The following AGPAT3 variants were observed in gnomAD, a reference collection of about 807,000 sequenced individuals.
AGPAT3 encodes 1-acylglycerol-3-phosphate O-acyltransferase 3.
A neutral mutation model predicts 47.3 loss-of-function variants in AGPAT3; 5 were observed. The observed-to-expected ratio is 0.11, with a 90% CI of 0.06 to 0.22. The LOEUF is 0.22. Ranked by LOEUF, AGPAT3 falls within the 10% of genes least tolerant of loss-of-function variation. The pLI, the probability that AGPAT3 is intolerant of heterozygous loss-of-function variation, is 1.00. For synonymous variants in AGPAT3, 212 were observed against 208.3 expected (o/e 1.02, Z -0.15); for missense variants, 315 against 493.0 (o/e 0.64, Z 3.42).
intron 2 of AGPAT3, among the ~76,000 whole-genome samples, chr21:43,923,452 G>A (rs936280477): frequency 1.3e-5 from 2 of 152,214 alleles, no homozygotes; most frequent in Admixed American, 1.3e-4. Flanking sequence ...TTCCCCACAA[G>A]CAGTGCTCCA....
At chr21:43,900,102 G>C (rs1024959696) in intron 1 of AGPAT3, among the ~76,000 whole-genome samples, 1 of 152,204 alleles carries the variant, frequency 6.6e-6, no homozygotes, top group African/African-American at 2.4e-5. Flanking sequence ...AAAGAAAAAG[G>C]CAAATGCTTT....
In AGPAT3 at chr21:43,986,488, A is replaced by G. The variant is rs2030312528; in HGVS notation, c.*4096A>G. On this transcript the variant is annotated 3_prime_UTR_variant, in exon 10 of 10. Transcript: ENST00000291572. The stretch of plus-strand genomic sequence containing the variant: ...AGTCGAACTGTGAATGAGATACTGA[A>G]ATGCACTAAATTGTATTACATTAAA... The G allele has an allele frequency of 6.6e-6, 1 of 152,668 alleles. No individual in the cohort carries two copies. Among genetic ancestry groups the G allele is most frequent in the Non-Finnish European group, 1.5e-5 (1 of 68,038 alleles). 9.5% of individuals were successfully genotyped at this position (152,668 alleles called of 1,614,324 possible). A position where few individuals can be genotyped will look rare whatever the true frequency, so the allele number is the denominator to read the frequency against.
chr21:43,918,123 TGTG>T lies in AGPAT3; in HGVS notation c.-49+14106_-49+14108del, dbSNP rs1158160781. 4.2e-5 allele frequency among the ~76,000 whole-genome samples: 6 copies of T among 143,726 alleles called. 1 individual carries two copies. In the South Asian group the frequency reaches 1.2e-3, roughly 28 times the overall value. The allele number at this position is 143,726 out of a possible 152,430, so 94.3% of individuals were successfully genotyped here. A position where few individuals can be genotyped will look rare whatever the true frequency, so the allele number is the denominator to read the frequency against. ...GTTGTGGGTGTTGTGTTATGGGTGT[TGTG>T]GGGGTTGTGGGTGTTGGAGTTGTGG... On this transcript the variant is annotated intron_variant, in intron 2 of 9. Transcript: ENST00000291572.
chr21:43,969,270 G>A lies in AGPAT3; in HGVS notation c.501G>A (p.Glu167=). The A allele has an allele frequency of 1.2e-6, 2 of 1,614,224 alleles. No homozygotes were observed. The highest frequency in any genetic ancestry group is 8.5e-7 in the Non-Finnish European group (1 of 1,180,024). The change falls in exon 5 of 10, where the codon GAG becomes GAA. Residue 167 remains glutamate (E), a synonymous_variant. Transcript: ENST00000291572. ...EGLRRLSDYP[E]YMWFLLYCEG... ...TGAGGCGCCTGTCGGACTACCCCGA[G>A]TACATGTGGGTGAGTGCGCGGAGCA...
intron 2 of AGPAT3, among the ~76,000 whole-genome samples, chr21:43,958,888 TGTG>T (rs763052967): frequency 1.9e-3 from 254 of 130,528 alleles, no homozygotes; most frequent in Non-Finnish European, 3.2e-3. Flanking sequence ...GTGTGTATGG[TGTG>T]TGTGTGGGTG....
In AGPAT3 at chr21:43,908,622, C is replaced by T. The variant is rs890394292; in HGVS notation, c.-49+4603C>T. On this transcript the variant is annotated intron_variant, in intron 2 of 9. Coordinates refer to ENST00000291572, the MANE Select transcript of AGPAT3 (RefSeq NM_020132.5). This position sits in a 1 kb window ranked among gnomAD's most constrained non-coding sequence, Gnocchi z 4.9. ...AGAAGGATGAGAAAGGACCTATGGCCTCCAGCTCCGGGTTCAGGGCTGTGT... is the reference window on the plus strand; with the variant it reads ...AGAAGGATGAGAAAGGACCTATGGCTTCCAGCTCCGGGTTCAGGGCTGTGT... 6.6e-6 allele frequency among the ~76,000 whole-genome samples: 1 copy of T among 152,182 alleles called. No individual in the cohort carries two copies. Among genetic ancestry groups the T allele is most frequent in the African/African-American group, 2.4e-5 (1 of 41,432 alleles).
intron 1 of AGPAT3, among the ~76,000 whole-genome samples, chr21:43,890,551 C>G (rs980778294): frequency 6.7e-6 from 1 of 150,064 alleles, no homozygotes; most frequent in South Asian, 2.1e-4. Context: ...TAGCTGGGAC[C>G]ACAGGTGTGA....
intron 4 of AGPAT3, among the ~76,000 whole-genome samples, chr21:43,968,615 G>A (rs1219175820): frequency 1.3e-5 from 2 of 152,100 alleles, no homozygotes; most frequent in Admixed American, 6.5e-5. Context: ...CTTTGAGCTC[G>A]GCAGTGGTGC....
rs978212661 is a variant in AGPAT3, at chr21:43,878,003, G to T, written c.-112+12658G>T. On this transcript the variant is annotated intron_variant, in intron 1 of 9. Coordinates refer to ENST00000291572, the MANE Select transcript of AGPAT3 (RefSeq NM_020132.5). ...TCGCTTTCGACTGAGACTGCCCGTGGTCTTGCGTGGGGTCGCTCCAGCTCA... is the reference window on the plus strand; with the variant it reads ...TCGCTTTCGACTGAGACTGCCCGTGTTCTTGCGTGGGGTCGCTCCAGCTCA... 9.2e-5 allele frequency among the ~76,000 whole-genome samples: 14 copies of T among 151,990 alleles called. No individual in the cohort carries two copies. The South Asian group carries it at 2.5e-3, about 27-fold the overall frequency.
intron 2 of AGPAT3, among the ~76,000 whole-genome samples, chr21:43,916,981 A>T (rs1253760155): frequency 6.6e-6 from 1 of 151,952 alleles, no homozygotes; most frequent in Non-Finnish European, 1.5e-5. Flanking sequence ...TTTTTGGGTA[A>T]GGTCTGTTGC....
At chr21:43,865,521 C>A (rs1400492855) in intron 1 of AGPAT3, among the ~76,000 whole-genome samples, 176 bp downstream of exon 1, 1 of 147,668 alleles carries the variant, frequency 6.8e-6, no homozygotes, top group Non-Finnish European at 1.5e-5. Flanking sequence ...GGCGCGGGGC[C>A]TGGGAAGGCG....
At position 43,922,684 on chromosome 21, in the gene AGPAT3, T is replaced by A. The variant is rs1394831904; in HGVS notation, c.-49+18665T>A. On this transcript the variant is annotated intron_variant, in intron 2 of 9. Transcript: ENST00000291572. This position sits in a 1 kb window ranked among gnomAD's most constrained non-coding sequence, Gnocchi z 4.9. ...AACAACAGTGTGCTCTGGGCTTCCA[T>A]GGGGTCTCCCAGCTCAGGGGCTGTG... is the stretch of plus-strand genomic sequence containing the variant. 6.6e-6 allele frequency among the ~76,000 whole-genome samples: 1 copy of A among 152,054 alleles called. No homozygotes were observed. Among genetic ancestry groups the A allele is most frequent in the African/African-American group, 2.4e-5 (1 of 41,394 alleles).
At position 43,987,477 on chromosome 21, in the gene AGPAT3, T is replaced by C. The variant is rs1046886839; in HGVS notation, c.*5085T>C. Among the ~76,000 whole-genome samples, 1 of 152,242 alleles carries C rather than the reference T, an allele frequency of 6.6e-6. No individual in the cohort carries two copies. Among genetic ancestry groups the C allele is most frequent in the African/African-American group, 2.4e-5 (1 of 41,458 alleles). On this transcript the variant is annotated 3_prime_UTR_variant, in exon 10 of 10. Coordinates refer to ENST00000291572, the MANE Select transcript of AGPAT3 (RefSeq NM_020132.5). Reference sequence around the variant, plus strand: ...GGACAAAAGGTTTTCCTAAGTGGCATGTATACATCCAAAACTACTCTTTTT... The same window carrying C: ...GGACAAAAGGTTTTCCTAAGTGGCACGTATACATCCAAAACTACTCTTTTT...
chr21:43,934,465 C>T lies in AGPAT3; in HGVS notation c.-48-25169C>T, dbSNP rs572941848. On this transcript the variant is annotated intron_variant, in intron 2 of 9. Transcript: ENST00000291572. This position sits in a 1 kb window ranked among gnomAD's most constrained non-coding sequence, Gnocchi z 4.7. ...CAACCTCGTTGGTAGAGTCAGGAGG[C>T]TGGGCCTCCACTAGGATGTTATACA... Among the ~76,000 whole-genome samples the T allele has an allele frequency of 6.6e-6, 1 of 152,366 alleles. No homozygotes were observed. The highest frequency in any genetic ancestry group is 2.1e-4 in the South Asian group (1 of 4,832).
rs1018399949 is a variant in AGPAT3, at chr21:43,933,655, G to A, written c.-48-25979G>A. ...TTGGAAGCGGTTGGCACTGGGGTTA[G>A]GCTCCAGTAGTCTCGGCATGTAGCA... On this transcript the variant is annotated intron_variant, in intron 2 of 9. Transcript: ENST00000291572. This position sits in a 1 kb window ranked among gnomAD's most constrained non-coding sequence, Gnocchi z 6.0. 9.2e-5 allele frequency among the ~76,000 whole-genome samples: 14 copies of A among 152,006 alleles called. No homozygotes were observed. The highest frequency in any genetic ancestry group is 1.8e-4 in the Non-Finnish European group (12 of 68,014).
intron 1 of AGPAT3, among the ~76,000 whole-genome samples, chr21:43,898,507 A>G (rs2086278669): frequency 2.0e-5 from 3 of 152,134 alleles, no homozygotes; most frequent in Non-Finnish European, 4.4e-5. Context: ...GCCCCTTACA[A>G]CTAATAGACT....
intron 2 of AGPAT3, among the ~76,000 whole-genome samples, chr21:43,909,959 G>A (rs755017881): frequency 2.0e-5 from 3 of 152,174 alleles, no homozygotes; most frequent in Non-Finnish European, 2.9e-5. Flanking sequence ...CTGCACCAGG[G>A]TGCCCCAGGA....
intron 1 of AGPAT3, among the ~76,000 whole-genome samples, chr21:43,890,589 T>G (rs537329338): frequency 6.6e-6 from 1 of 152,066 alleles, no homozygotes; most frequent in African/African-American, 2.4e-5. Context: ...ATTTTTGCAC[T>G]TTTTGTAGAG....
At chr21:43,944,067 C>A (rs372523995) in intron 2 of AGPAT3, among the ~76,000 whole-genome samples, 5 of 152,214 alleles carry the variant, frequency 3.3e-5, no homozygotes, top group African/African-American at 1.2e-4. Context: ...CCACTTCAGG[C>A]GCCGCCTCTC....
Sources: allele counts gnomAD v4.1 joint callset (sites outside exome capture counted in the v4.1 genomes callset), GRCh38; gene constraint gnomAD v4.1.1; non-coding constraint Gnocchi (gnomAD v3.1); transcripts MANE v1.5; gene names NCBI Gene and HGNC (gene_info 2026-07-23, HGNC 2026-07-21).